Variants in PARVA observed in about 807,000 individuals in gnomAD.
PARVA encodes the protein alpha-parvin.
In PARVA, 25 loss-of-function variants were observed where a neutral mutation model predicts 52.6. That is an observed-to-expected ratio of 0.48 (90% CI 0.35 to 0.66). The LOEUF is 0.66. Among genes scored for constraint, PARVA ranks in the 30% least tolerant of loss-of-function variants. The pLI is 0.01. For missense variants in PARVA, 373 were observed against 450.9 expected (o/e 0.83, Z 1.56); for synonymous variants, 185 against 179.1 (o/e 1.03, Z -0.26).
intron 12 of PARVA, among the ~76,000 whole-genome samples, chr11:12,522,421 C>CTTTTTTTTTTTTTTTTTTT (rs66494894): frequency 7.4e-6 from 1 of 134,634 alleles, no homozygotes; most frequent in Admixed American, 7.6e-5. Context: ...GAGCTTTATT[C>CTTTTTTTTTTTTTTTTTTT]TTTTTTTTTT....
In PARVA at chr11:12,508,189, C is replaced by T. The variant is rs573440966; in HGVS notation, c.658-395C>T. On this transcript the variant is annotated intron_variant, in intron 6 of 12. Transcript: ENST00000334956. ...TGGCCTCAGTTCCTCCACCCAGCCC[C>T]CCAGTTAAATGTGTTTCTCAGCTTC... 3.3e-5 allele frequency among the ~76,000 whole-genome samples: 5 copies of T among 152,064 alleles called. No individual in the cohort carries two copies. The South Asian group carries it at 8.3e-4, about 25-fold the overall frequency.
At chr11:12,437,368 A>T (rs888254265) in intron 1 of PARVA, among the ~76,000 whole-genome samples, 1 of 152,078 alleles carries the variant, frequency 6.6e-6, no homozygotes, top group Non-Finnish European at 1.5e-5. Flanking sequence ...TCTTCCCTAC[A>T]TCCTCCCCAG....
intron 6 of PARVA, among the ~76,000 whole-genome samples, chr11:12,505,744 T>C (rs1275074266): frequency 6.6e-6 from 1 of 152,216 alleles, no homozygotes; most frequent in Non-Finnish European, 1.5e-5. Flanking sequence ...CTCAGACTAC[T>C]CTGGTTCAAG....
chr11:12,379,534 T>G (rs185352697), intron 1 of PARVA, among the ~76,000 whole-genome samples: 179 of 152,372 alleles, frequency 1.2e-3, no homozygotes, highest in Non-Finnish European at 2.1e-3. Flanking sequence ...TTATATCAAA[T>G]GGTATATTTG....
chr11:12,497,928 G>A (rs2135061218), intron 5 of PARVA, among the ~76,000 whole-genome samples: 1 of 152,226 alleles, frequency 6.6e-6, no homozygotes, highest in African/African-American at 2.4e-5. Context: ...CCTTTGAATA[G>A]GGACCACCTC....
intron 1 of PARVA, among the ~76,000 whole-genome samples, chr11:12,441,125 C>G (rs143576682): frequency 6.2e-4 from 95 of 152,286 alleles, no homozygotes; most frequent in African/African-American, 2.1e-3. Flanking sequence ...TTTCTTACAA[C>G]TAAAGAGTAA....
chr11:12,461,029 C>A (rs181469106), intron 1 of PARVA, among the ~76,000 whole-genome samples: 3 of 152,282 alleles, frequency 2.0e-5, no homozygotes, highest in Admixed American at 1.3e-4. Context: ...AGCGTCCCCC[C>A]CTCTCACATT....
rs535139611 is a variant in PARVA, at chr11:12,478,567, G to A, written c.400+618G>A. 299 of 169,778 alleles carry A rather than the reference G, an allele frequency of 1.8e-3. 1 individual carries two copies. Among genetic ancestry groups the A allele is most frequent in the Non-Finnish European group, 3.1e-3 (244 of 78,340 alleles). 10.5% of individuals were successfully genotyped at this position (169,778 alleles called of 1,614,324 possible). ...GCCCAAACCGTCCCCTCAGATTCTC[G>A]ACTTCAATCCTTAGCTGCCCTCTGG... On this transcript the variant is annotated intron_variant, in intron 4 of 12. Transcript: ENST00000334956.
chr11:12,507,104 C>G (rs1270834587), intron 6 of PARVA, among the ~76,000 whole-genome samples: 1 of 151,516 alleles, frequency 6.6e-6, no homozygotes, highest in Non-Finnish European at 1.5e-5. Flanking sequence ...TTAGTCCATT[C>G]TTAATCTAAG....
At chr11:12,479,403 A>G (rs1482985354) in intron 4 of PARVA, 1 of 152,048 alleles carries the variant, frequency 6.6e-6, no homozygotes, top group Non-Finnish European at 1.5e-5. Flanking sequence ...CCAGGGTTCA[A>G]GTGACCCTCC....
intron 1 of PARVA, among the ~76,000 whole-genome samples, chr11:12,451,818 A>C (rs1589962584): frequency 6.6e-6 from 1 of 152,176 alleles, no homozygotes; most frequent in Non-Finnish European, 1.5e-5. Flanking sequence ...ATGTTAGCTA[A>C]ATTTGCATAC....
At chr11:12,449,813 A>G (rs1940599777) in intron 1 of PARVA, among the ~76,000 whole-genome samples, 1 of 152,212 alleles carries the variant, frequency 6.6e-6, no homozygotes, top group Non-Finnish European at 1.5e-5. Flanking sequence ...AGCCCCCCAC[A>G]ACAAGGGATT....
intron 1 of PARVA, among the ~76,000 whole-genome samples, chr11:12,382,829 T>G (rs1040203303): frequency 6.6e-6 from 1 of 152,240 alleles, no homozygotes; most frequent in East Asian, 1.9e-4. Flanking sequence ...GAATAAGAAT[T>G]CCTTCTTTAC....
At chr11:12,403,712 C>T (rs1210946767) in intron 1 of PARVA, among the ~76,000 whole-genome samples, 1 of 152,208 alleles carries the variant, frequency 6.6e-6, no homozygotes, top group South Asian at 2.1e-4. Context: ...ATACATTGCT[C>T]ATTCCCACCA....
chr11:12,390,939 A>C (rs1189883632), intron 1 of PARVA, among the ~76,000 whole-genome samples: 1 of 152,054 alleles, frequency 6.6e-6, no homozygotes, highest in Non-Finnish European at 1.5e-5. Context: ...AAATAGCCCC[A>C]TGTAAGGAGT....
intron 1 of PARVA, among the ~76,000 whole-genome samples, chr11:12,456,085 T>C (rs1940690029): frequency 2.0e-5 from 3 of 152,234 alleles, no homozygotes; most frequent in South Asian, 4.1e-4. Flanking sequence ...CCTCCAGTTT[T>C]GTTTTTGAGC....
chr11:12,409,220 T>G (rs1939957915), intron 1 of PARVA, among the ~76,000 whole-genome samples: 1 of 152,172 alleles, frequency 6.6e-6, no homozygotes, highest in African/African-American at 2.4e-5. Context: ...ATATATATAA[T>G]ATGTAGTGGT....
chr11:12,486,545 TAAA>T (rs1484257111), intron 4 of PARVA, among the ~76,000 whole-genome samples: 3 of 149,002 alleles, frequency 2.0e-5, no homozygotes, highest in African/African-American at 7.5e-5. Flanking sequence ...AAAATAAAAA[TAAA>T]AATAAAATAA....
intron 4 of PARVA, among the ~76,000 whole-genome samples, chr11:12,491,338 T>TC (rs1941232100): frequency 1.3e-5 from 2 of 152,090 alleles, no homozygotes; most frequent in African/African-American, 4.8e-5. Context: ...CTAAGTATCT[T>TC]CTTATTTTTT....
Sources: gnomAD v4.1 joint callset for allele counts (sites outside exome capture counted in the v4.1 genomes callset) on GRCh38, gnomAD v4.1.1 for gene constraint, MANE v1.5 for transcripts, NCBI Gene and HGNC (gene_info 2026-07-23, HGNC 2026-07-21) for gene names.